The following SRGAP3 variants were observed in gnomAD, a reference collection of about 807,000 sequenced individuals.
SRGAP3 encodes SLIT-ROBO Rho GTPase-activating protein 3.
Under a neutral mutation model 121.1 loss-of-function variants are expected in SRGAP3, and 39 were observed. The ratio of observed to expected loss-of-function variants is 0.32; its 90% CI spans 0.25 to 0.42. SRGAP3 has a LOEUF of 0.42. Among genes scored for constraint, SRGAP3 ranks in the 10% least tolerant of loss-of-function variants. The pLI is 1.00. For missense variants in SRGAP3, 1,213 were observed against 1,470.6 expected, an observed-to-expected ratio of 0.82 and a Z score of 2.86; for synonymous variants, 601 against 570.0, an observed-to-expected ratio of 1.05 and a Z score of -0.77.
At chr3:9,343,990 A>T (rs1410195954) in intron 1 of SRGAP3, among the ~76,000 whole-genome samples, 1 of 152,144 alleles carries the variant, frequency 6.6e-6, no homozygotes, top group Admixed American at 6.5e-5. Context: ...TCTTGGGAAC[A>T]ATTTTTCTGT....
chr3:9,276,101 T>C (rs1307904622), intron 3 of SRGAP3, among the ~76,000 whole-genome samples: 2 of 152,100 alleles, frequency 1.3e-5, no homozygotes. Context: ...ATTGAATGAA[T>C]GAATCAAGAT....
chr3:9,075,346 C>A (rs1946913403), intron 4 of SRGAP3, among the ~76,000 whole-genome samples: 1 of 151,930 alleles, frequency 6.6e-6, no homozygotes, highest in Admixed American at 6.5e-5. Context: ...GTGTGTGGTG[C>A]ATGTCAAACT....
At chr3:9,341,630 A>C (rs1268079600) in intron 1 of SRGAP3, among the ~76,000 whole-genome samples, 1 of 152,176 alleles carries the variant, frequency 6.6e-6, no homozygotes, top group Admixed American at 6.5e-5. Context: ...CAACTTGGTC[A>C]ACTACTTGGG....
intron 15 of SRGAP3, among the ~76,000 whole-genome samples, chr3:9,014,541 C>A (rs1471858985): frequency 6.6e-6 from 1 of 152,150 alleles, no homozygotes; most frequent in African/African-American, 2.4e-5. Flanking sequence ...TGGCTCAGGG[C>A]CCTGTACAGG....
chr3:9,146,339 G>A (rs568755274), intron 1 of SRGAP3, among the ~76,000 whole-genome samples: 11 of 152,256 alleles, frequency 7.2e-5, no homozygotes, highest in East Asian at 5.8e-4. Flanking sequence ...TTAGAGTCCC[G>A]CTCCACCTGT....
At chr3:9,051,660 G>A (rs1402035306) in intron 9 of SRGAP3, among the ~76,000 whole-genome samples, 1 of 148,970 alleles carries the variant, frequency 6.7e-6, no homozygotes, top group African/African-American at 2.5e-5. Flanking sequence ...TAGAACATAT[G>A]AATAGGAGCA....
chr3:9,225,154 GA>G (rs1379829805), intron 1 of SRGAP3, among the ~76,000 whole-genome samples: 2 of 152,202 alleles, frequency 1.3e-5, no homozygotes, highest in Non-Finnish European at 2.9e-5. Flanking sequence ...AGCCTGGAGT[GA>G]GGGGCCTTTG....
chr3:9,360,391 G>C (rs2030732181), intron 1 of SRGAP3, among the ~76,000 whole-genome samples: 1 of 152,174 alleles, frequency 6.6e-6, no homozygotes, highest in Non-Finnish European at 1.5e-5. Flanking sequence ...CCATTGTAAA[G>C]TCAAAAAATT....
chr3:9,308,821 G>A (rs1035621097), intron 3 of SRGAP3, among the ~76,000 whole-genome samples: 18 of 152,108 alleles, frequency 1.2e-4, no homozygotes, highest in African/African-American at 4.3e-4. Context: ...TTCTTGACCT[G>A]GCCTCTCCTC....
At chr3:9,010,413 T>A (rs746717372) in intron 17 of SRGAP3, 26 bp from the exon 18 acceptor site, 3 of 1,613,584 alleles carry the variant, frequency 1.9e-6, no homozygotes, top group Admixed American at 1.7e-5. Context: ...GGAATGGGAC[T>A]CACTGCGGGG....
At chr3:9,301,401 AG>A (rs1955051272) in intron 3 of SRGAP3, among the ~76,000 whole-genome samples, 1 of 152,236 alleles carries the variant, frequency 6.6e-6, no homozygotes, top group Non-Finnish European at 1.5e-5. Context: ...GAAGAGGGGA[AG>A]GTGGCCCTTA....
At position 9,064,448 on chromosome 3, in the gene SRGAP3, T is replaced by C; in HGVS notation, c.620A>G (p.Asp207Gly). 6.2e-7 allele frequency: 1 copy of C among 1,614,236 alleles called. No homozygotes were observed. ...DLSMNLLRHEDRPQRRSSVKK... is the reference protein window; with the variant it reads ...DLSMNLLRHEGRPQRRSSVKK... Reference sequence around the variant, plus strand: ...CACAGAGCTGCGGCGCTGGGGCCGGTCCTCGTGCCGGAGCAGGTTCATGCT... The same window carrying C: ...CACAGAGCTGCGGCGCTGGGGCCGGCCCTCGTGCCGGAGCAGGTTCATGCT... The change falls in exon 5 of 22, where the codon GAC becomes GGC. Residue 207 changes from aspartate (D) to glycine (G), a missense_variant. Transcript: ENST00000383836.
rs545217775 is a variant in SRGAP3 at position 9,286,415 on chromosome 3, C to T, written n.442+39595G>A. Among the ~76,000 whole-genome samples the T allele has an allele frequency of 2.6e-4, 39 of 150,092 alleles. No homozygotes were observed. In the Middle Eastern group the frequency reaches 0.01, roughly 40 times the overall value. ...GTGGCTCACACCTATAATCCCTGAA[C>T]TTTGGGAGGCTGAGGTGGGAGGATC... On this transcript the variant is annotated intron_variant and non_coding_transcript_variant, in intron 3 of 3. Transcript: ENST00000490889.
intron 1 of SRGAP3, among the ~76,000 whole-genome samples, chr3:9,163,911 G>A (rs557714707): frequency 2.0e-5 from 3 of 150,178 alleles, no homozygotes; most frequent in African/African-American, 4.9e-5. Flanking sequence ...CATTGAATGC[G>A]CACCCACTAT....
chr3:8,986,328 C>G (rs1336155868), intron 21 of SRGAP3, among the ~76,000 whole-genome samples: 1 of 152,156 alleles, frequency 6.6e-6, no homozygotes, highest in African/African-American at 2.4e-5. Flanking sequence ...TTGATGAGTG[C>G]ATTAAATGAT....
intron 2 of SRGAP3, among the ~76,000 whole-genome samples, chr3:9,122,881 G>A (rs1949067563): frequency 6.6e-6 from 1 of 152,150 alleles, no homozygotes. Context: ...AAGGCAGAGA[G>A]CTCCCTGGCC....
intron 10 of SRGAP3, among the ~76,000 whole-genome samples, chr3:9,046,218 C>T (rs1945270904): frequency 6.6e-6 from 1 of 152,126 alleles, no homozygotes; most frequent in African/African-American, 2.4e-5. Flanking sequence ...CCAAAGTTCC[C>T]CAGCCCTTAC....
At chr3:9,123,983 G>A (rs1949123867) in intron 2 of SRGAP3, among the ~76,000 whole-genome samples, 1 of 151,932 alleles carries the variant, frequency 6.6e-6, no homozygotes, top group Non-Finnish European at 1.5e-5. Flanking sequence ...CCTGCCAAGT[G>A]GAGCCCTGCA....
At chr3:9,355,724 T>C (rs923168879) in intron 1 of SRGAP3, 4 of 152,242 alleles carry the variant, frequency 2.6e-5, no homozygotes, top group African/African-American at 9.6e-5. Context: ...AGAAATGTGA[T>C]GTATATATTT....
Sources: gnomAD v4.1 joint callset for allele counts (sites outside exome capture counted in the v4.1 genomes callset) on GRCh38, gnomAD v4.1.1 for gene constraint, MANE v1.5 for transcripts, NCBI Gene and HGNC (gene_info 2026-07-23, HGNC 2026-07-21) for gene names.